The following TAB2 variants were observed in gnomAD, a reference collection of about 807,000 sequenced individuals.
TAB2 encodes the protein TGF-beta-activated kinase 1 and MAP3K7-binding protein 2.
In TAB2, 3 loss-of-function variants were observed where a neutral mutation model predicts 65.0. The ratio of observed to expected loss-of-function variants is 0.05; its 90% CI spans 0.02 to 0.12. The LOEUF (loss-of-function observed/expected upper bound fraction) is 0.12. TAB2 is among the 10% of genes least tolerant of loss of function. The probability of loss-of-function intolerance (pLI) is 1.00; values close to 1 mark genes in which losing one functional copy is unlikely to be tolerated. For missense variants in TAB2, 623 were observed against 840.3 expected (o/e 0.74, Z 3.20); for synonymous variants, 298 against 285.1 (o/e 1.05, Z -0.46).
chr6:149,241,417 T>C (rs139021293), intron 1 of TAB2, among the ~76,000 whole-genome samples: 1 of 152,234 alleles, frequency 6.6e-6, no homozygotes, highest in Non-Finnish European at 1.5e-5. Context: ...TTTTTAATGT[T>C]TTTAAAGTGG....
chr6:149,403,262 A>C (rs1782516204), intron 6 of TAB2, among the ~76,000 whole-genome samples: 1 of 42,422 alleles, frequency 2.4e-5, no homozygotes, highest in Non-Finnish European at 3.9e-5. Flanking sequence ...ATATATATAT[A>C]TATATATATA....
intron 3 of TAB2, among the ~76,000 whole-genome samples, chr6:149,392,420 G>T (rs1233882285): frequency 6.6e-6 from 1 of 152,208 alleles, no homozygotes; most frequent in Admixed American, 6.5e-5. Flanking sequence ...CAACTATGAG[G>T]TGATCCTTAA....
At chr6:149,282,399 A>C (rs1410814909) in intron 1 of TAB2, among the ~76,000 whole-genome samples, 1 of 152,010 alleles carries the variant, frequency 6.6e-6, no homozygotes, top group Non-Finnish European at 1.5e-5. Context: ...GACTCCAACA[A>C]AACTATCACA....
intron 1 of TAB2, among the ~76,000 whole-genome samples, chr6:149,262,682 A>C (rs1778179623): frequency 6.6e-6 from 1 of 152,198 alleles, no homozygotes; most frequent in African/African-American, 2.4e-5. Context: ...GAAGCAGCAA[A>C]TCCACATCAC....
intron 1 of TAB2, among the ~76,000 whole-genome samples, chr6:149,309,354 G>A (rs1779126735): frequency 6.6e-6 from 1 of 150,522 alleles, no homozygotes; most frequent in South Asian, 2.1e-4. Flanking sequence ...CTTTTGTGTG[G>A]TCAAGTATGT....
At chr6:149,346,944 A>G (rs1349809128) in intron 1 of TAB2, among the ~76,000 whole-genome samples, 3 of 152,128 alleles carry the variant, frequency 2.0e-5, no homozygotes, top group Non-Finnish European at 4.4e-5. Context: ...TTTACCCATA[A>G]ATAGGAACTT....
At chr6:149,225,004 C>T (rs1777238260) in intron 1 of TAB2, among the ~76,000 whole-genome samples, 1 of 152,156 alleles carries the variant, frequency 6.6e-6, no homozygotes, top group African/African-American at 2.4e-5. Context: ...TGGTCAAGTG[C>T]TTAAAATTTC....
rs553924239 is a variant in TAB2 at position 149,323,785 on chromosome 6, A to C, written c.-90+5770A>C. On this transcript the variant is annotated intron_variant, in intron 1 of 6. Transcript: ENST00000637181. ...ATTTTTAAAAAGTTCTCCACAAAGCATGTATCGTGTGCTTTATATTCAAAT... is the reference window on the plus strand; with the variant it reads ...ATTTTTAAAAAGTTCTCCACAAAGCCTGTATCGTGTGCTTTATATTCAAAT... Among the ~76,000 whole-genome samples, 11 of 152,324 alleles carry C rather than the reference A, an allele frequency of 7.2e-5. No homozygotes were observed. In the South Asian group the frequency reaches 2.1e-3, roughly 29 times the overall value.
intron 6 of TAB2, among the ~76,000 whole-genome samples, chr6:149,407,492 TAAG>T (rs1167253272): frequency 2.0e-5 from 3 of 152,132 alleles, no homozygotes; most frequent in African/African-American, 7.2e-5. Context: ...TTTTCTGTAA[TAAG>T]AAAGGTCCAA....
At chr6:149,293,528 A>G (rs1778817696) in intron 1 of TAB2, among the ~76,000 whole-genome samples, 4 of 152,224 alleles carry the variant, frequency 2.6e-5, no homozygotes, top group African/African-American at 7.2e-5. Flanking sequence ...GAATCTTTGC[A>G]CATTCCAATA....
rs74321444 is a variant in TAB2 at position 149,400,899 on chromosome 6, A to G, written c.1939+1715A>G. ...CTTTTTTCTTCAAACCAAACAGCCAATGGTATGTTTTGATTGACATCAAGT... is the reference window on the plus strand; with the variant it reads ...CTTTTTTCTTCAAACCAAACAGCCAGTGGTATGTTTTGATTGACATCAAGT... On this transcript the variant is annotated intron_variant, in intron 6 of 6. Transcript: ENST00000637181. The G allele has an allele frequency of 7.0e-3, 3,898 of 560,686 alleles. 119 individuals carry two copies. The highest frequency in any genetic ancestry group is 0.062 in the African/African-American group (3,275 of 52,534). The allele number at this position is 560,686 out of a possible 1,614,324, so 34.7% of individuals were successfully genotyped here.
In TAB2 at chr6:149,267,742, G is replaced by A. The variant is rs374612046; in HGVS notation, c.-121+48966G>A. On this transcript the variant is annotated intron_variant, in intron 1 of 1. Coordinates refer to the TAB2 transcript ENST00000606202. Reference sequence around the variant, plus strand: ...GCCTACTACACACCCAGGCTATATCGTATAGCCTATTGCTCCTAGGTGACA... The same window carrying A: ...GCCTACTACACACCCAGGCTATATCATATAGCCTATTGCTCCTAGGTGACA... Among the ~76,000 whole-genome samples, 44 of 152,142 alleles carry A rather than the reference G, an allele frequency of 2.9e-4. No homozygotes were observed. The East Asian group carries it at 4.4e-3, about 15-fold the overall frequency.
chr6:149,320,312 G>A (rs2114725624), intron 1 of TAB2, among the ~76,000 whole-genome samples: 1 of 152,144 alleles, frequency 6.6e-6, no homozygotes, highest in Non-Finnish European at 1.5e-5. Flanking sequence ...CCTGACCTTA[G>A]GTGATCCACC....
chr6:149,408,188 G>GT (rs1264555458), intron 6 of TAB2, among the ~76,000 whole-genome samples: 4 of 152,112 alleles, frequency 2.6e-5, no homozygotes, highest in Non-Finnish European at 5.9e-5. Context: ...CTTTTCAGTT[G>GT]TTTCAGGGCA....
At chr6:149,258,171 TGTGCA>T (rs1778079116) in intron 1 of TAB2, among the ~76,000 whole-genome samples, 1 of 152,168 alleles carries the variant, frequency 6.6e-6, no homozygotes, top group Non-Finnish European at 1.5e-5. Flanking sequence ...ACAGCGGTGT[TGTGCA>T]CATGAACCGA....
At chr6:149,400,335 G>T (rs1782331760) in intron 6 of TAB2, 2 of 1,578,496 alleles carry the variant, frequency 1.3e-6, no homozygotes, top group African/African-American at 2.7e-5. Context: ...TACTCGTTAG[G>T]TGCGGACCCG....
Position 149,369,931 on chromosome 6 carries a change from G to A in TAB2, c.-67G>A. On this transcript the variant is annotated 5_prime_UTR_variant, in exon 2 of 7. An upstream start codon of the reference 5' UTR is lost. Coordinates refer to ENST00000637181, the MANE Select transcript of TAB2 (RefSeq NM_001292034.3). ...CAGAAAATGCTTGGACAGAAGAGAT[G>A]AGTACTATTTCCACTAAGGCCTAGA... 7.6e-7 allele frequency: 1 copy of A among 1,322,534 alleles called. No individual in the cohort carries two copies. Among genetic ancestry groups the A allele is most frequent in the Admixed American group, 1.7e-5 (1 of 59,536 alleles). The allele number at this position is 1,322,534 out of a possible 1,614,324, so 81.9% of individuals were successfully genotyped here.
At chr6:149,247,210 C>T (rs1191871382) in intron 1 of TAB2, 1 of 152,340 alleles carries the variant, frequency 6.6e-6, no homozygotes, top group African/African-American at 2.4e-5. Context: ...CCCACCACAT[C>T]CCTGGTGCCC....
At chr6:149,362,507 G>C (rs1280247264) in intron 1 of TAB2, among the ~76,000 whole-genome samples, 3 of 152,150 alleles carry the variant, frequency 2.0e-5, no homozygotes, top group African/African-American at 7.2e-5. Context: ...CCGTCTCCAT[G>C]ATTCATTCAC....
Sources: gnomAD v4.1 joint callset for allele counts (sites outside exome capture counted in the v4.1 genomes callset) on GRCh38, gnomAD v4.1.1 for gene constraint, MANE v1.5 for transcripts, NCBI Gene and HGNC (gene_info 2026-07-23, HGNC 2026-07-21) for gene names.